Variants in FAM81A observed in about 807,000 individuals in gnomAD.
FAM81A encodes the protein protein FAM81A.
In FAM81A, 19 loss-of-function variants were observed where a neutral mutation model predicts 46.7. The observed-to-expected ratio is 0.41, with a 90% CI of 0.28 to 0.60. The LOEUF is 0.60. FAM81A is among the 20% of genes least tolerant of loss of function. The pLI is 0.34. For synonymous variants in FAM81A, 183 were observed against 152.9 expected (o/e 1.20, Z -1.45); for missense variants, 377 against 453.5 (o/e 0.83, Z 1.53).
chr15:59,417,409 A>C (rs190701603), intron 2 of FAM81A, among the ~76,000 whole-genome samples: 80 of 146,420 alleles, frequency 5.5e-4, no homozygotes, highest in East Asian at 2.2e-3. Flanking sequence ...AACAAACAAA[A>C]AAACAAGCTT....
chr15:59,456,119 AAGAG>A (rs1374320908), intron 1 of FAM81A, among the ~76,000 whole-genome samples: 1 of 152,188 alleles, frequency 6.6e-6, no homozygotes, highest in Non-Finnish European at 1.5e-5. Context: ...GGAGAAATGC[AAGAG>A]AGAGAGCCAC....
intron 2 of FAM81A, among the ~76,000 whole-genome samples, chr15:59,404,385 T>A (rs2081085357): frequency 6.6e-6 from 1 of 152,200 alleles, no homozygotes; most frequent in African/African-American, 2.4e-5. Flanking sequence ...GACAAGGCCA[T>A]GAGACTTTCT....
intron 3 of FAM81A, among the ~76,000 whole-genome samples, chr15:59,461,623 G>C (rs772074542): frequency 3.3e-5 from 5 of 152,066 alleles, no homozygotes; most frequent in Admixed American, 6.6e-5. Context: ...GCCCAGCCTG[G>C]CCTCTCTCAT....
chr15:59,480,769 T>A (rs1408313493), intron 3 of FAM81A, among the ~76,000 whole-genome samples: 5 of 152,166 alleles, frequency 3.3e-5, no homozygotes, highest in African/African-American at 1.2e-4. Context: ...ATAATCTTTT[T>A]AAAAATAAAT....
intron 2 of FAM81A, among the ~76,000 whole-genome samples, chr15:59,426,375 G>C (rs1041831353): frequency 6.6e-6 from 1 of 152,188 alleles, no homozygotes; most frequent in East Asian, 1.9e-4. Flanking sequence ...GGGAGACCGA[G>C]GTGGGCGATC....
At chr15:59,401,321 A>G in intron 1 of FAM81A, 1 of 812,666 alleles carries the variant, frequency 1.2e-6, no homozygotes, top group Non-Finnish European at 2.2e-6. Flanking sequence ...CACAAGGCCC[A>G]ATTTGCTCAC....
At chr15:59,474,531 G>A (rs144585344) in intron 3 of FAM81A, among the ~76,000 whole-genome samples, 1,568 of 152,236 alleles carry the variant, frequency 0.01, 14 homozygotes, top group Non-Finnish European at 0.017. Flanking sequence ...CATTCAGGGT[G>A]GAGCCCTCAT....
At chr15:59,481,148 C>G (rs1471358854) in intron 3 of FAM81A, among the ~76,000 whole-genome samples, 3 of 151,928 alleles carry the variant, frequency 2.0e-5, no homozygotes, top group Non-Finnish European at 4.4e-5. Flanking sequence ...GTGTGCACCA[C>G]AACTCTTGGC....
At chr15:59,427,238 G>A (rs1596466098) in intron 2 of FAM81A, among the ~76,000 whole-genome samples, 1 of 152,104 alleles carries the variant, frequency 6.6e-6, no homozygotes, top group South Asian at 2.1e-4. Context: ...AGCCTCCTGA[G>A]CAGCTGGGAT....
In FAM81A at chr15:59,414,242, C is replaced by A. The variant is rs376132648; in HGVS notation, c.-78+11884C>A. On this transcript the variant is annotated intron_variant, in intron 2 of 4. Transcript: ENST00000558348. ...GTGCTGGGATTATAGGTGTGAGCCA[C>A]CACACCTGGCCCACATTCTAATTCT... 1.8e-4 allele frequency among the ~76,000 whole-genome samples: 28 copies of A among 152,262 alleles called. No individual in the cohort carries two copies. In the South Asian group the frequency reaches 5.6e-3, roughly 30 times the overall value.
chr15:59,496,562 G>A (rs1373336511), intron 4 of FAM81A, among the ~76,000 whole-genome samples: 2 of 151,912 alleles, frequency 1.3e-5, no homozygotes, highest in South Asian at 2.1e-4. Flanking sequence ...CCAAGATCTC[G>A]CCACTGCACT....
intron 1 of FAM81A, among the ~76,000 whole-genome samples, chr15:59,450,330 C>T (rs1467654279): frequency 6.6e-6 from 1 of 152,036 alleles, no homozygotes; most frequent in Non-Finnish European, 1.5e-5. Flanking sequence ...TTCCCCACTC[C>T]TCACTTTTTT....
At chr15:59,398,666 G>T (rs1359279708) in intron 1 of FAM81A, among the ~76,000 whole-genome samples, 2 of 140,680 alleles carry the variant, frequency 1.4e-5, no homozygotes, top group Non-Finnish European at 3.0e-5. Context: ...GCTGAGGCAA[G>T]AGAATTGCTT....
chr15:59,462,302 C>T (rs562947002), intron 3 of FAM81A, among the ~76,000 whole-genome samples: 7 of 151,860 alleles, frequency 4.6e-5, no homozygotes, highest in African/African-American at 1.7e-4. Flanking sequence ...TTCTCTACCC[C>T]CTCAGCAATA....
intron 2 of FAM81A, among the ~76,000 whole-genome samples, chr15:59,425,837 C>G (rs2141558003): frequency 6.6e-6 from 1 of 152,234 alleles, no homozygotes; most frequent in East Asian, 1.9e-4. Context: ...GCTGCCCAGG[C>G]TTGTCTTGAA....
rs55987747 is a variant in FAM81A, at chr15:59,514,490, A to G, written c.786+66A>G. The G allele has an allele frequency of 1.4e-3, 2,148 of 1,514,954 alleles. 30 individuals carry two copies. The African/African-American group carries it at 0.023, about 16-fold the overall frequency. 93.8% of individuals were successfully genotyped at this position (1,514,954 alleles called of 1,614,324 possible). A position where few individuals can be genotyped will look rare whatever the true frequency, so the allele number is the denominator to read the frequency against. ...AGTGGGGGCCTACACTGTTTGAATA[A>G]TAATACCTAGTAATTTATCACTGAT... On this transcript the variant is annotated intron_variant, in intron 7 of 8. Transcript: ENST00000288228.
At chr15:59,471,488 A>G (rs2081689133) in intron 3 of FAM81A, among the ~76,000 whole-genome samples, 1 of 151,784 alleles carries the variant, frequency 6.6e-6, no homozygotes, top group South Asian at 2.1e-4. Flanking sequence ...TTCTGGAGAG[A>G]CAAAACCTCT....
chr15:59,470,886 T>C (rs1314195906), intron 3 of FAM81A, among the ~76,000 whole-genome samples: 1 of 152,128 alleles, frequency 6.6e-6, no homozygotes, highest in East Asian at 1.9e-4. Flanking sequence ...GCAGTGGCTC[T>C]ATTACAGCTC....
chr15:59,506,041 T>A (rs186894032), intron 4 of FAM81A, among the ~76,000 whole-genome samples: 2 of 152,294 alleles, frequency 1.3e-5, no homozygotes, highest in East Asian at 1.9e-4. Context: ...AGCAGTCTTA[T>A]TCCAGAAGGT....
Sources: allele counts gnomAD v4.1 joint callset (sites outside exome capture counted in the v4.1 genomes callset), GRCh38; gene constraint gnomAD v4.1.1; transcripts MANE v1.5; gene names NCBI Gene and HGNC (gene_info 2026-07-23, HGNC 2026-07-21).